NCBP2L: variants seen among roughly 807,000 people sequenced by gnomAD.
NCBP2L encodes the protein nuclear cap-binding protein subunit 2-like.
For synonymous variants in NCBP2L, 39 were observed against 19.2 expected, an observed-to-expected ratio of 2.04 and a Z score of -2.70; for missense variants, 95 against 53.1, an observed-to-expected ratio of 1.79 and a Z score of -2.45.
In NCBP2L at chrX:107,794,440, A is replaced by C. The variant is rs768853690; in HGVS notation, c.220A>C (p.Ile74Leu). 1 of 570,570 alleles carries C rather than the reference A, an allele frequency of 1.8e-6. No individual in the cohort carries two copies. 47.0% of individuals were successfully genotyped at this position (570,570 alleles called of 1,213,427 possible). The change falls in exon 2 of 2, where the codon ATA becomes CTA. Residue 74 changes from isoleucine to leucine, a missense_variant. Transcript: ENST00000509000. ...GAATATCTTTATGGGCCTGGATAAA[A>C]TAAAGAAAACAGCATGTGGTTTTTG... ...IRNIFMGLDKIKKTACGFCFV... is the reference protein window; with the variant it reads ...IRNIFMGLDKLKKTACGFCFV...
intron 1 of NCBP2L, among the ~76,000 whole-genome samples, chrX:107,786,728 C>G (rs1318026385): frequency 9.0e-6 from 1 of 111,648 alleles, no homozygotes; most frequent in Non-Finnish European, 1.9e-5. Flanking sequence ...TATAATGACC[C>G]TTATTTTACA....
chrX:107,794,245 T>C lies in NCBP2L; in HGVS notation c.25T>C (p.Cys9Arg). ...CATGTCCAAAGACCTGAAAATTCTATGTAAAGACCCTGCTTTGGAGCTGAG... is the reference window on the plus strand; with the variant it reads ...CATGTCCAAAGACCTGAAAATTCTACGTAAAGACCCTGCTTTGGAGCTGAG... MSKDLKIL[C>R]KDPALELSCY... Residue 9 changes from cysteine to arginine, a missense_variant, in exon 2 of 2, where the codon TGT becomes CGT. Transcript: ENST00000509000. 2 of 552,690 alleles carry C rather than the reference T, an allele frequency of 3.6e-6. No individual in the cohort carries two copies. Among genetic ancestry groups the C allele is most frequent in the Non-Finnish European group, 3.3e-6 (1 of 302,396 alleles). The allele number at this position is 552,690 out of a possible 1,213,427, so 45.5% of individuals were successfully genotyped here.
chrX:107,779,109 G>T (rs1161049063), intron 1 of NCBP2L, among the ~76,000 whole-genome samples: 1 of 111,863 alleles, frequency 8.9e-6, no homozygotes, highest in Non-Finnish European at 1.9e-5. Flanking sequence ...TGTTACTGGA[G>T]AATAAAATGT....
intron 1 of NCBP2L, among the ~76,000 whole-genome samples, chrX:107,792,969 T>A (rs773158454): frequency 8.9e-6 from 1 of 112,524 alleles, no homozygotes; most frequent in Non-Finnish European, 1.9e-5. Flanking sequence ...ATGAGCTCAT[T>A]CATTCATCCA....
At chrX:107,790,832 C>A (rs775634346) in intron 1 of NCBP2L, among the ~76,000 whole-genome samples, 9 of 111,779 alleles carry the variant, frequency 8.1e-5, no homozygotes, top group Non-Finnish European at 1.3e-4. Context: ...GTAAATACTA[C>A]GTAAATTTTT....
At chrX:107,783,358 C>CT (rs769083822) in intron 1 of NCBP2L, among the ~76,000 whole-genome samples, 23,246 of 61,729 alleles carry the variant, frequency 0.38, 4,093 homozygotes, top group Non-Finnish European at 0.44. Context: ...TGGCACTTGC[C>CT]TTTTTTTTTT....
At chrX:107,782,195 AAAT>A (rs1437415196) in intron 1 of NCBP2L, among the ~76,000 whole-genome samples, 28 of 19,872 alleles carry the variant, frequency 1.4e-3, no homozygotes, top group South Asian at 3.8e-3. Flanking sequence ...ATATATATAT[AAAT>A]ATATATATAT....
chrX:107,781,702 A>ATATATC (rs1556345197), intron 1 of NCBP2L, among the ~76,000 whole-genome samples: 13 of 68,179 alleles, frequency 1.9e-4, no homozygotes, highest in African/African-American at 9.2e-4. Context: ...CTATATATAT[A>ATATATC]TATATATAGA....
chrX:107,783,504 C>T (rs1930356694), intron 1 of NCBP2L, among the ~76,000 whole-genome samples: 1 of 108,345 alleles, frequency 9.2e-6, no homozygotes, highest in Admixed American at 1.0e-4. Flanking sequence ...TCCCGAGTAG[C>T]TGAAATTACA....
At chrX:107,788,180 G>T (rs1281349191) in intron 1 of NCBP2L, among the ~76,000 whole-genome samples, 1 of 111,478 alleles carries the variant, frequency 9.0e-6, no homozygotes, top group Non-Finnish European at 1.9e-5. Flanking sequence ...GGTGATCTGT[G>T]GTCCCTGGCA....
intron 1 of NCBP2L, among the ~76,000 whole-genome samples, chrX:107,790,872 T>TA (rs1930443253): frequency 8.9e-6 from 1 of 112,061 alleles, no homozygotes; most frequent in African/African-American, 3.2e-5. Context: ...TCAGGTCCTT[T>TA]AGAAAGTTGT....
Position 107,794,565 on chromosome X carries a change from C to T in NCBP2L, c.345C>T (p.Val115=), listed in dbSNP as rs5962885. 1.8e-5 allele frequency: 10 copies of T among 569,146 alleles called. No individual in the cohort carries two copies. Among genetic ancestry groups the T allele is most frequent in the Admixed American group, 4.4e-5 (2 of 45,064 alleles). 46.9% of individuals were successfully genotyped at this position (569,146 alleles called of 1,213,427 possible). A position where few individuals can be genotyped will look rare whatever the true frequency, so the allele number is the denominator to read the frequency against. Residue 115 remains valine, a synonymous_variant, in exon 2 of 2, where the codon GTC becomes GTT. Transcript: ENST00000509000. ...GGATTATCTGCACTGATTGGGATGT[C>T]GGTTTTAGAGAGGGTCAACAGTATG... ...DEWIICTDWD[V]GFREGQQYGR...
Position 107,794,387 on chromosome X carries a change from A to C in NCBP2L, c.167A>C (p.His56Pro), listed in dbSNP as rs763975770. ...LSFYTTEEKI[H>P]ELFSRSDIRN... Reference sequence around the variant, plus strand: ...TTTTATACAACCGAAGAGAAAATACATGAACTCTTTAGTAGATCTGATATC... The same window carrying C: ...TTTTATACAACCGAAGAGAAAATACCTGAACTCTTTAGTAGATCTGATATC... The change falls in exon 2 of 2, where the codon CAT becomes CCT. Residue 56 changes from histidine to proline, a missense_variant. By Grantham distance (77) the His-to-Pro change is moderately conservative. Transcript: ENST00000509000. 1 of 570,358 alleles carries C rather than the reference A, an allele frequency of 1.8e-6. No individual in the cohort carries two copies. Among genetic ancestry groups the C allele is most frequent in the Non-Finnish European group, 3.2e-6 (1 of 309,437 alleles). 47.0% of individuals were successfully genotyped at this position (570,358 alleles called of 1,213,427 possible). A position where few individuals can be genotyped will look rare whatever the true frequency, so the allele number is the denominator to read the frequency against.
intron 1 of NCBP2L, among the ~76,000 whole-genome samples, chrX:107,778,675 G>A (rs2147804120): frequency 8.9e-6 from 1 of 112,027 alleles, no homozygotes; most frequent in East Asian, 2.8e-4. Context: ...AGAAAGCGGA[G>A]GGGGGCCCCC....
intron 1 of NCBP2L, among the ~76,000 whole-genome samples, chrX:107,787,195 A>G (rs1333537357): frequency 8.9e-6 from 1 of 112,042 alleles, no homozygotes; most frequent in Non-Finnish European, 1.9e-5. Context: ...TGGCCCACGG[A>G]CAACACTTTG....
intron 1 of NCBP2L, among the ~76,000 whole-genome samples, chrX:107,781,748 A>G (rs1411302370): frequency 1.8e-4 from 17 of 96,222 alleles, no homozygotes; most frequent in African/African-American, 6.4e-4. Flanking sequence ...ATAGATATCT[A>G]TATATAGATC....
chrX:107,782,993 T>C (rs1481114729), intron 1 of NCBP2L, among the ~76,000 whole-genome samples: 3 of 109,552 alleles, frequency 2.7e-5, no homozygotes. Context: ...AAATTGAATT[T>C]TTTTAGAAAA....
intron 1 of NCBP2L, among the ~76,000 whole-genome samples, chrX:107,783,806 A>G (rs1930360407): frequency 9.0e-6 from 1 of 110,770 alleles, no homozygotes; most frequent in Non-Finnish European, 1.9e-5. Flanking sequence ...ATATATTATT[A>G]CATCCTAATA....
rs372927743 is a variant in NCBP2L at position 107,782,530 on chromosome X, A to G, written c.-73+4672A>G. ...AGTGAACAATACAGTATTGTTAACTATAGTCACCATGCTGTACATTACATC... is the reference window on the plus strand; with the variant it reads ...AGTGAACAATACAGTATTGTTAACTGTAGTCACCATGCTGTACATTACATC... On this transcript the variant is annotated intron_variant, in intron 1 of 1. Transcript: ENST00000509000. Among the ~76,000 whole-genome samples, 39 of 100,139 alleles carry G rather than the reference A, an allele frequency of 3.9e-4. 2 individuals are homozygous for G. Among genetic ancestry groups the G allele is most frequent in the Admixed American group, 3.3e-3 (28 of 8,450 alleles). The allele number at this position is 100,139 out of a possible 115,157, so 87.0% of individuals were successfully genotyped here. A position where few individuals can be genotyped will look rare whatever the true frequency, so the allele number is the denominator to read the frequency against.
Sources: allele counts gnomAD v4.1 joint callset (sites outside exome capture counted in the v4.1 genomes callset), GRCh38; gene constraint gnomAD v4.1.1; transcripts MANE v1.5; gene names NCBI Gene and HGNC (gene_info 2026-07-23, HGNC 2026-07-21).